SLC22A16: variants seen among roughly 807,000 people sequenced by gnomAD.
The protein encoded by SLC22A16 is WUGSC:RG331P03.1.
SLC22A16 carries 53 observed loss-of-function variants against 52.9 expected under a neutral mutation model. The ratio of observed to expected loss-of-function variants is 1.00; its 90% CI spans 0.80 to 1.26. The LOEUF is 1.26. Among genes scored for constraint, SLC22A16 ranks in the 50% most tolerant of loss-of-function variants. SLC22A16 has a pLI of 0.00. For missense variants in SLC22A16, 726 were observed against 704.0 expected (o/e 1.03, Z -0.35); for synonymous variants, 291 against 268.8 (o/e 1.08, Z -0.81).
chr6:110,460,323 T>C (rs529229448), intron 1 of SLC22A16, among the ~76,000 whole-genome samples: 10 of 152,282 alleles, frequency 6.6e-5, no homozygotes, highest in Non-Finnish European at 1.5e-4. Flanking sequence ...TATCACCTTT[T>C]ATATATTAGA....
At chr6:110,440,597 G>A (rs1222779068) in intron 4 of SLC22A16, among the ~76,000 whole-genome samples, 2 of 152,170 alleles carry the variant, frequency 1.3e-5, no homozygotes. Context: ...GGCCAACATG[G>A]TGAAACCCTG....
chr6:110,431,178 A>G lies in SLC22A16; in HGVS notation c.1514T>C (p.Ile505Thr). The change falls in exon 7 of 8, where the codon ATA becomes ACA. Residue 505 changes from isoleucine to threonine, a missense_variant. Coordinates refer to ENST00000368919, the MANE Select transcript of SLC22A16 (RefSeq NM_033125.4). ...CTGCAAACTGAAGCACACCTGTGGT[A>G]TGAAGATCCAAATGCTGCTGAGGTC... ...SVDLSSIWIF[I>T]PQLFVGTMAL... 1.9e-6 allele frequency: 3 copies of G among 1,613,846 alleles called. No individual in the cohort carries two copies. The highest frequency in any genetic ancestry group is 2.5e-6 in the Non-Finnish European group (3 of 1,179,894).
At chr6:110,446,538 A>T (rs543455098) in intron 3 of SLC22A16, among the ~76,000 whole-genome samples, 9 of 152,324 alleles carry the variant, frequency 5.9e-5, no homozygotes, top group Admixed American at 5.2e-4. Flanking sequence ...CTTTAACCAC[A>T]CACCTCAACT....
intron 1 of SLC22A16, among the ~76,000 whole-genome samples, chr6:110,459,425 A>T (rs1429093852): frequency 2.6e-5 from 4 of 152,190 alleles, no homozygotes; most frequent in African/African-American, 9.7e-5. Context: ...CAAAAACCAT[A>T]ACCTTAGTTT....
intron 2 of SLC22A16, among the ~76,000 whole-genome samples, chr6:110,451,385 T>A (rs887786786): frequency 3.3e-5 from 5 of 152,200 alleles, no homozygotes; most frequent in Non-Finnish European, 1.5e-5. Flanking sequence ...GTCTTCAAGG[T>A]TAACCCAATT....
intron 4 of SLC22A16, among the ~76,000 whole-genome samples, chr6:110,439,272 T>C (rs1774868949): frequency 6.6e-6 from 1 of 152,236 alleles, no homozygotes; most frequent in Non-Finnish European, 1.5e-5. Flanking sequence ...CATTTTTGTA[T>C]TTATGAGATT....
chr6:110,468,953 G>C (rs556265464), intron 1 of SLC22A16, among the ~76,000 whole-genome samples: 430 of 152,254 alleles, frequency 2.8e-3, no homozygotes, highest in Non-Finnish European at 3.9e-3. Context: ...TAGCATGGCT[G>C]GTGGGTCACC....
intron 5 of SLC22A16, among the ~76,000 whole-genome samples, chr6:110,436,204 G>A (rs10457209): frequency 0.13 from 20,014 of 152,136 alleles, 1,365 homozygotes; most frequent in African/African-American, 0.17. Context: ...TGGAGGGTTT[G>A]AACTGTGACG....
At position 110,468,645 on chromosome 6, in the gene SLC22A16, CA is replaced by C. The variant is rs769660816; in HGVS notation, c.53+7876del. Among the ~76,000 whole-genome samples, 817 of 86,812 alleles carry C rather than the reference CA, an allele frequency of 9.4e-3. 2 individuals are homozygous for C. The highest frequency in any genetic ancestry group is 0.036 in the Middle Eastern group (6 of 166). The allele number at this position is 86,812 out of a possible 152,430, so 57.0% of individuals were successfully genotyped here. A position where few individuals can be genotyped will look rare whatever the true frequency, so the allele number is the denominator to read the frequency against. On this transcript the variant is annotated intron_variant, in intron 1 of 7. Transcript: ENST00000368919. ...TGGGTAAGCGAGCGAGGCTCTGTCT[CA>C]AAAAAAAAAAAAACAAAATGGAGAA...
chr6:110,465,372 C>T (rs555078501), intron 1 of SLC22A16, among the ~76,000 whole-genome samples: 26 of 152,030 alleles, frequency 1.7e-4, no homozygotes, highest in Non-Finnish European at 3.8e-4. Context: ...TCCCTGATAA[C>T]ATGATCTTAT....
At chr6:110,458,226 C>A (rs1775742147) in intron 1 of SLC22A16, among the ~76,000 whole-genome samples, 1 of 152,194 alleles carries the variant, frequency 6.6e-6, no homozygotes, top group Non-Finnish European at 1.5e-5. Context: ...ACCCACGTGA[C>A]CTTACCTATC....
intron 2 of SLC22A16, among the ~76,000 whole-genome samples, chr6:110,447,304 GCT>G (rs1341550285): frequency 6.6e-6 from 1 of 152,052 alleles, no homozygotes; most frequent in African/African-American, 2.4e-5. Context: ...CAGGACTTTG[GCT>G]CTCTGTGGGA....
intron 2 of SLC22A16, among the ~76,000 whole-genome samples, chr6:110,454,823 A>G (rs1424621016): frequency 1.9e-5 from 1 of 52,660 alleles, no homozygotes; most frequent in Non-Finnish European, 3.2e-5. Flanking sequence ...TATATGTTAT[A>G]TTATATAATA....
intron 3 of SLC22A16, among the ~76,000 whole-genome samples, chr6:110,445,791 G>A (rs985410654): frequency 2.6e-5 from 4 of 152,076 alleles, no homozygotes; most frequent in South Asian, 2.1e-4. Flanking sequence ...CCACCAGAAG[G>A]TTTCTCTCGT....
At chr6:110,446,515 A>G (rs1225011897) in intron 3 of SLC22A16, among the ~76,000 whole-genome samples, 3 of 152,146 alleles carry the variant, frequency 2.0e-5, no homozygotes, top group Non-Finnish European at 4.4e-5. Context: ...CTTCCTGTAC[A>G]TTATACAAGT....
chr6:110,476,453 C>A, intron 1 of SLC22A16, 69 bp downstream of exon 1: 1 of 1,438,016 alleles, frequency 7.0e-7, no homozygotes, highest in Non-Finnish European at 9.1e-7. Context: ...GAGAACCCCG[C>A]CGCAACGGAA....
chr6:110,473,429 G>T (rs4541783), intron 1 of SLC22A16, among the ~76,000 whole-genome samples: 1 of 145,156 alleles, frequency 6.9e-6, no homozygotes, highest in South Asian at 2.2e-4. Flanking sequence ...TTATGGAAAC[G>T]ATATGGTTTC....
Position 110,456,675 on chromosome 6 carries a change from G to A in SLC22A16, c.396C>T (p.Asp132=), listed in dbSNP as rs574205865. 390 of 1,614,038 alleles carry A rather than the reference G, an allele frequency of 2.4e-4. No homozygotes were observed. Among genetic ancestry groups the A allele is most frequent in the Non-Finnish European group, 3.2e-4 (373 of 1,180,038 alleles). ...EFPCVDGYIY[D]QNTWKSTAVT... is the part of the protein sequence containing the mutation. ...CCGCAGTGCTTTTCCATGTGTTCTG[G>A]TCATATATGTAGCCATCCACACAAG... is the stretch of plus-strand genomic sequence containing the variant. Residue 132 remains aspartate, a synonymous_variant, in exon 2 of 8, where the codon GAC becomes GAT. Coordinates refer to ENST00000368919, the MANE Select transcript of SLC22A16 (RefSeq NM_033125.4).
At chr6:110,439,649 T>C (rs1202763201) in intron 4 of SLC22A16, among the ~76,000 whole-genome samples, 1 of 152,192 alleles carries the variant, frequency 6.6e-6, no homozygotes. Context: ...GATGTCTACG[T>C]ATAAAAATTT....
Sources: allele counts gnomAD v4.1 joint callset (sites outside exome capture counted in the v4.1 genomes callset), GRCh38; gene constraint gnomAD v4.1.1; transcripts MANE v1.5; gene names NCBI Gene and HGNC (gene_info 2026-07-23, HGNC 2026-07-21).